The following ADAM12 variants were observed in gnomAD, a reference collection of about 807,000 sequenced individuals.
ADAM12 encodes the protein ADAM metallopeptidase domain 12, also known as disintegrin and metalloproteinase domain-containing protein 12.
ADAM12 carries 70 observed loss-of-function variants against 106.4 expected under a neutral mutation model. That is an observed-to-expected ratio of 0.66 (90% CI 0.54 to 0.80). The LOEUF (loss-of-function observed/expected upper bound fraction) is 0.80, where lower values mean the gene tolerates loss of function less well. ADAM12 is among the 30% of genes least tolerant of loss of function. ADAM12 has a pLI of 0.00. For missense variants in ADAM12, 1,010 were observed against 1,171.9 expected, an observed-to-expected ratio of 0.86 and a Z score of 2.02; for synonymous variants, 420 against 433.5, an observed-to-expected ratio of 0.97 and a Z score of 0.39.
intron 2 of ADAM12, among the ~76,000 whole-genome samples, chr10:126,326,815 C>T (rs879461297): frequency 2.6e-5 from 4 of 152,210 alleles, no homozygotes; most frequent in Non-Finnish European, 5.9e-5. Flanking sequence ...TTCCCCAGAA[C>T]TCCACATGGC....
chr10:126,182,010 C>G (rs547731007), intron 3 of ADAM12, among the ~76,000 whole-genome samples: 1 of 152,180 alleles, frequency 6.6e-6, no homozygotes, highest in African/African-American at 2.4e-5. Flanking sequence ...TCAGAAGACA[C>G]GTAAAGCACA....
intron 1 of ADAM12, among the ~76,000 whole-genome samples, chr10:126,375,269 GAA>G: frequency 6.6e-6 from 1 of 151,260 alleles, no homozygotes; most frequent in African/African-American, 2.4e-5. Flanking sequence ...AAAAAAGAAA[GAA>G]AGAAAGAAAA....
chr10:126,106,988 C>A (rs1006303296), intron 8 of ADAM12, among the ~76,000 whole-genome samples: 5 of 152,230 alleles, frequency 3.3e-5, no homozygotes, highest in African/African-American at 1.2e-4. Flanking sequence ...CACCGTGAAT[C>A]TTTGCAGCTT....
chr10:126,276,322 T>C (rs2133748045), intron 3 of ADAM12, among the ~76,000 whole-genome samples: 1 of 152,326 alleles, frequency 6.6e-6, no homozygotes, highest in African/African-American at 2.4e-5. Flanking sequence ...ATAGTTTCAC[T>C]TGTAAAAACT....
chr10:126,120,269 C>A (rs192916702), intron 5 of ADAM12, among the ~76,000 whole-genome samples: 1 of 152,264 alleles, frequency 6.6e-6, no homozygotes, highest in East Asian at 1.9e-4. Context: ...AAAAGGCATA[C>A]AATTTTATTT....
chr10:126,299,633 C>T (rs79222073), intron 2 of ADAM12, among the ~76,000 whole-genome samples: 2,467 of 152,142 alleles, frequency 0.016, 32 homozygotes, highest in East Asian at 0.046. Context: ...TATTTTATTG[C>T]TATTACCATT....
chr10:126,235,057 G>A (rs1035470574), intron 3 of ADAM12, among the ~76,000 whole-genome samples: 2 of 152,216 alleles, frequency 1.3e-5, no homozygotes, highest in African/African-American at 4.8e-5. Flanking sequence ...AGTTGGGGAA[G>A]CTGGCAGAGG....
chr10:126,332,020 C>A (rs1246114303), intron 1 of ADAM12, among the ~76,000 whole-genome samples: 1 of 152,148 alleles, frequency 6.6e-6, no homozygotes, highest in Non-Finnish European at 1.5e-5. Context: ...TGAGCCCATG[C>A]CTTCCATGTG....
chr10:126,240,127 TTG>T (rs1310989613), intron 3 of ADAM12, among the ~76,000 whole-genome samples: 1 of 152,190 alleles, frequency 6.6e-6, no homozygotes, highest in Non-Finnish European at 1.5e-5. Context: ...GCTGTATCCA[TTG>T]TGTGATGACC....
intron 6 of ADAM12, among the ~76,000 whole-genome samples, chr10:126,111,593 G>A (rs1414253051): frequency 6.6e-6 from 1 of 152,184 alleles, no homozygotes; most frequent in Non-Finnish European, 1.5e-5. Context: ...TTTTCAGCCT[G>A]CAGAGGGGTG....
intron 11 of ADAM12, among the ~76,000 whole-genome samples, chr10:126,089,640 C>A (rs578121249): frequency 1.6e-4 from 24 of 152,274 alleles, no homozygotes; most frequent in Admixed American, 1.4e-3. Context: ...AGATAAGAAT[C>A]CACGTTCCTG....
At chr10:126,216,022 A>G (rs1957981520) in intron 3 of ADAM12, among the ~76,000 whole-genome samples, 1 of 152,206 alleles carries the variant, frequency 6.6e-6, no homozygotes, top group African/African-American at 2.4e-5. Context: ...TCCCCAAGTC[A>G]TATGACTGTG....
chr10:126,158,653 T>G (rs1480404899), intron 3 of ADAM12, among the ~76,000 whole-genome samples: 357 of 13,588 alleles, frequency 0.026, 1 homozygote, highest in African/African-American at 0.034. Flanking sequence ...GAGCATGGGT[T>G]GGGGGATGCA....
chr10:126,248,483 A>T (rs899587102), intron 3 of ADAM12, among the ~76,000 whole-genome samples: 14 of 152,000 alleles, frequency 9.2e-5, no homozygotes, highest in African/African-American at 3.4e-4. Context: ...TTTGTTTTAG[A>T]GCTGATTGTG....
At chr10:126,313,861 C>T (rs187621762) in intron 2 of ADAM12, among the ~76,000 whole-genome samples, 9 of 152,110 alleles carry the variant, frequency 5.9e-5, no homozygotes, top group East Asian at 5.8e-4. Flanking sequence ...TGAGGCAGAG[C>T]GTGGAAGAAA....
chr10:126,254,683 G>T (rs186292891), intron 3 of ADAM12, among the ~76,000 whole-genome samples: 106 of 152,158 alleles, frequency 7.0e-4, no homozygotes, highest in Non-Finnish European at 1.3e-3. Flanking sequence ...AGCCACCACC[G>T]TAGTGAGGAC....
In ADAM12 at chr10:126,174,757, CTTT is replaced by C. The variant is rs201248510; in HGVS notation, c.261-19455_261-19453del. 4.8e-5 allele frequency among the ~76,000 whole-genome samples: 7 copies of C among 145,594 alleles called. 1 individual carries two copies. Among genetic ancestry groups the C allele is most frequent in the South Asian group, 4.4e-4 (2 of 4,570 alleles). ...TTGAGGACCACAGTCCTCACCCCCCCTTTTTTTTTTTTTGAGACTGAGTCTCAC... is the reference window on the plus strand; with the variant it reads ...TTGAGGACCACAGTCCTCACCCCCCCTTTTTTTTTTGAGACTGAGTCTCAC... On this transcript the variant is annotated intron_variant, in intron 3 of 22. Transcript: ENST00000448723.
chr10:126,247,610 C>T (rs1282900620), intron 3 of ADAM12, among the ~76,000 whole-genome samples: 1 of 152,210 alleles, frequency 6.6e-6, no homozygotes, highest in African/African-American at 2.4e-5. Context: ...TGGCATTCCA[C>T]AGCCAAAGAA....
intron 21 of ADAM12, among the ~76,000 whole-genome samples, chr10:126,028,797 T>TA (rs139570372): frequency 0.016 from 2,386 of 152,038 alleles, 62 homozygotes; most frequent in African/African-American, 0.053. Context: ...GGGATCTAAT[T>TA]AAAGAGTGTC....
Sources: gnomAD v4.1 joint callset for allele counts (sites outside exome capture counted in the v4.1 genomes callset) on GRCh38, gnomAD v4.1.1 for gene constraint, MANE v1.5 for transcripts, NCBI Gene and HGNC (gene_info 2026-07-23, HGNC 2026-07-21) for gene names.